Variants in SAMD12 observed in about 807,000 individuals in gnomAD.
The protein encoded by SAMD12 is sterile alpha motif domain containing 12.
SAMD12 carries 9 observed loss-of-function variants against 15.0 expected under a neutral mutation model. The ratio of observed to expected loss-of-function variants is 0.60; its 90% CI spans 0.36 to 1.05. The LOEUF is 1.05. SAMD12 is among the 50% of genes least tolerant of loss of function. SAMD12 has a pLI of 0.01. For missense variants in SAMD12, 230 were observed against 234.2 expected, an observed-to-expected ratio of 0.98 and a Z score of 0.12; for synonymous variants, 86 against 90.1, an observed-to-expected ratio of 0.96 and a Z score of 0.25.
chr8:118,186,346 G>A (rs1340770695), downstream of SAMD12, among the ~76,000 whole-genome samples: 2 of 152,124 alleles, frequency 1.3e-5, no homozygotes, highest in Non-Finnish European at 2.9e-5. Context: ...AGTGTGTAAG[G>A]TCTCTAAAGT....
chr8:118,302,495 A>G (rs541719144), intron 4 of SAMD12, among the ~76,000 whole-genome samples: 1 of 152,324 alleles, frequency 6.6e-6, no homozygotes, highest in Admixed American at 6.5e-5. Context: ...GTCAGCCTGC[A>G]TGGTGCCATG....
intron 2 of SAMD12, among the ~76,000 whole-genome samples, chr8:118,450,581 A>G (rs1289895070): frequency 6.6e-6 from 1 of 152,202 alleles, no homozygotes; most frequent in Non-Finnish European, 1.5e-5. Flanking sequence ...AACGAACCAT[A>G]AAAATTGTTA....
At chr8:118,506,176 G>T (rs1020797192) in intron 2 of SAMD12, among the ~76,000 whole-genome samples, 1 of 152,120 alleles carries the variant, frequency 6.6e-6, no homozygotes, top group Admixed American at 6.5e-5. Flanking sequence ...AGCTTTGAAG[G>T]TCAGCAGCCT....
At chr8:118,278,674 C>T (rs1563727247) in intron 4 of SAMD12, among the ~76,000 whole-genome samples, 1 of 152,190 alleles carries the variant, frequency 6.6e-6, no homozygotes, top group African/African-American at 2.4e-5. Context: ...TACCTAGAGC[C>T]AGCCCACTCT....
chr8:118,442,899 A>G (rs1288285212), intron 2 of SAMD12, among the ~76,000 whole-genome samples: 2 of 152,182 alleles, frequency 1.3e-5, no homozygotes, highest in Non-Finnish European at 2.9e-5. Context: ...TTGGAAGAAC[A>G]TTCTTTAACT....
chr8:118,135,699 T>G, the SAMD12 span, among the ~76,000 whole-genome samples: 1 of 152,138 alleles, frequency 6.6e-6, no homozygotes, highest in Non-Finnish European at 1.5e-5. Flanking sequence ...TGTGCCAGCA[T>G]GCCCAGCTAA....
chr8:118,377,200 CAACCCGGCCAACATAGAAA>C, downstream of SAMD12, among the ~76,000 whole-genome samples: 1 of 152,112 alleles, frequency 6.6e-6, no homozygotes, highest in Admixed American at 6.5e-5. Flanking sequence ...ATTTCGAGAC[CAACCCGGCCAACATAGAAA>C]AACCTCATCT....
chr8:118,255,728 C>A (rs1477392282), intron 4 of SAMD12, among the ~76,000 whole-genome samples: 1 of 151,680 alleles, frequency 6.6e-6, no homozygotes, highest in Admixed American at 6.6e-5. Flanking sequence ...TGTATATGTG[C>A]CACATTTTCT....
At chr8:118,233,107 C>T (rs746512803) in intron 4 of SAMD12, among the ~76,000 whole-genome samples, 88 of 152,172 alleles carry the variant, frequency 5.8e-4, no homozygotes, top group African/African-American at 1.8e-3. Flanking sequence ...TTTCTTCCTC[C>T]CAAACTGTGA....
chr8:118,513,323 A>T (rs1476204693), intron 2 of SAMD12, among the ~76,000 whole-genome samples: 1 of 152,230 alleles, frequency 6.6e-6, no homozygotes, highest in African/African-American at 2.4e-5. Context: ...TTTAAAGGAA[A>T]TGGTGTTTGA....
At chr8:118,581,674 C>T (rs1290732778) in intron 1 of SAMD12, among the ~76,000 whole-genome samples, 1 of 152,062 alleles carries the variant, frequency 6.6e-6, no homozygotes, top group Non-Finnish European at 1.5e-5. Flanking sequence ...TTACTGAGCC[C>T]CCCTATGTAC....
In SAMD12 at chr8:118,549,904, G is replaced by A. The variant is rs563277612; in HGVS notation, c.192+30811C>T. Among the ~76,000 whole-genome samples the A allele has an allele frequency of 2.0e-4, 31 of 152,198 alleles. No individual in the cohort carries two copies. The South Asian group carries it at 3.5e-3, about 17-fold the overall frequency. On this transcript the variant is annotated intron_variant, in intron 2 of 3. Coordinates refer to ENST00000314727, the MANE Select transcript of SAMD12 (RefSeq NM_207506.3). ...ATGCAGAAGCCTCAGGAGCCGATGC[G>A]ATCAACTGGAAAAAAGGGTATCAGC...
At chr8:118,586,344 CTT>C (rs869191799) in intron 1 of SAMD12, among the ~76,000 whole-genome samples, 2,539 of 139,738 alleles carry the variant, frequency 0.018, 28 homozygotes, top group African/African-American at 0.037. Context: ...CTTTTTCTTT[CTT>C]TTTTTTTTTT....
At chr8:118,254,271 C>T (rs1428342584) in intron 4 of SAMD12, among the ~76,000 whole-genome samples, 1 of 152,130 alleles carries the variant, frequency 6.6e-6, no homozygotes, top group Non-Finnish European at 1.5e-5. Flanking sequence ...TGAACGTTTC[C>T]ACCCTGGGGT....
the SAMD12 span, among the ~76,000 whole-genome samples, chr8:118,182,678 G>A: frequency 6.6e-6 from 1 of 152,154 alleles, no homozygotes; most frequent in African/African-American, 2.4e-5. Flanking sequence ...TGAGGGCACT[G>A]GGTATTTACT....
intron 4 of SAMD12, among the ~76,000 whole-genome samples, chr8:118,361,529 C>G (rs1818498734): frequency 6.6e-6 from 1 of 152,044 alleles, no homozygotes. Flanking sequence ...GACTGAGTAG[C>G]ACTTAAACTT....
At chr8:118,168,397 A>G in the SAMD12 span, among the ~76,000 whole-genome samples, 5,304 of 152,192 alleles carry the variant, frequency 0.035, 295 homozygotes, top group African/African-American at 0.12. Context: ...ATTAGCCCTG[A>G]GACACTTCAT....
At chr8:118,429,532 A>G (rs1192025028) in intron 3 of SAMD12, among the ~76,000 whole-genome samples, 1 of 152,122 alleles carries the variant, frequency 6.6e-6, no homozygotes, top group Non-Finnish European at 1.5e-5. Flanking sequence ...CTTCCTTTCT[A>G]ATCTTTTTGT....
chr8:118,266,173 C>T (rs569468240), intron 4 of SAMD12, among the ~76,000 whole-genome samples: 4 of 152,180 alleles, frequency 2.6e-5, no homozygotes, highest in South Asian at 2.1e-4. Flanking sequence ...CTCACTATCA[C>T]GAGAAGAGTA....
Sources: allele counts gnomAD v4.1 joint callset (sites outside exome capture counted in the v4.1 genomes callset), GRCh38; gene constraint gnomAD v4.1.1; transcripts MANE v1.5; gene names NCBI Gene and HGNC (gene_info 2026-07-23, HGNC 2026-07-21).